MACROD2: variants seen among roughly 807,000 people sequenced by gnomAD.
The protein encoded by MACROD2 is ADP-ribose glycohydrolase MACROD2.
A neutral mutation model predicts 70.4 loss-of-function variants in MACROD2; 36 were observed. That is an observed-to-expected ratio of 0.51 (90% CI 0.39 to 0.68). MACROD2 has a LOEUF of 0.68. MACROD2 is among the 30% of genes least tolerant of loss of function. The pLI, the probability that MACROD2 is intolerant of heterozygous loss-of-function variation, is 0.00. For synonymous variants in MACROD2, 172 were observed against 178.8 expected, an observed-to-expected ratio of 0.96 and a Z score of 0.30; for missense variants, 496 against 538.4, an observed-to-expected ratio of 0.92 and a Z score of 0.78.
At chr20:14,623,558 T>A (rs1983957784) in intron 4 of MACROD2, among the ~76,000 whole-genome samples, 1 of 152,130 alleles carries the variant, frequency 6.6e-6, no homozygotes, top group African/African-American at 2.4e-5. Flanking sequence ...TAGCAGACAG[T>A]GGATGAACTA....
chr20:15,862,321 C>A (rs758168792), intron 8 of MACROD2, among the ~76,000 whole-genome samples: 66 of 152,254 alleles, frequency 4.3e-4, no homozygotes, highest in Non-Finnish European at 6.8e-4. Flanking sequence ...ATATATTTGT[C>A]TAGCAAGAGT....
At chr20:15,498,092 A>T (rs573186790) in intron 7 of MACROD2, among the ~76,000 whole-genome samples, 104 of 152,350 alleles carry the variant, frequency 6.8e-4, no homozygotes, top group African/African-American at 2.3e-3. Context: ...GCAAAGGTTC[A>T]AGAACTTACG....
At chr20:15,540,109 G>T (rs183729488) in intron 8 of MACROD2, among the ~76,000 whole-genome samples, 5 of 152,308 alleles carry the variant, frequency 3.3e-5, no homozygotes, top group Admixed American at 2.6e-4. Flanking sequence ...AGTAGGTAAA[G>T]GTATAGGGAT....
intron 8 of MACROD2, among the ~76,000 whole-genome samples, chr20:15,826,776 C>T (rs1049216816): frequency 2.6e-5 from 4 of 152,084 alleles, no homozygotes; most frequent in African/African-American, 9.7e-5. Context: ...AATAATGTGA[C>T]GTGAAGCTTA....
intron 3 of MACROD2, among the ~76,000 whole-genome samples, chr20:14,293,853 T>A (rs976277037): frequency 2.0e-5 from 3 of 151,910 alleles, no homozygotes; most frequent in African/African-American, 7.3e-5. Flanking sequence ...TAACTCACTT[T>A]CCTAGGTAAA....
At chr20:15,710,316 C>G (rs1414834948) in intron 8 of MACROD2, among the ~76,000 whole-genome samples, 1 of 151,276 alleles carries the variant, frequency 6.6e-6, no homozygotes, top group Admixed American at 6.6e-5. Context: ...CCTCAAAAAA[C>G]TACAAGTCTA....
intron 5 of MACROD2, among the ~76,000 whole-genome samples, chr20:15,058,771 A>G (rs1272973485): frequency 6.6e-6 from 1 of 152,202 alleles, no homozygotes; most frequent in East Asian, 1.9e-4. Flanking sequence ...AAATGTAACC[A>G]TCTGTCCAAA....
chr20:15,293,231 T>G (rs1293619810), intron 6 of MACROD2, among the ~76,000 whole-genome samples: 1 of 152,248 alleles, frequency 6.6e-6, no homozygotes, highest in African/African-American at 2.4e-5. Flanking sequence ...TAGACTCTAT[T>G]TATTCGTCAT....
chr20:15,066,217 C>T (rs1046803470), intron 5 of MACROD2, among the ~76,000 whole-genome samples: 2 of 151,706 alleles, frequency 1.3e-5, no homozygotes, highest in Non-Finnish European at 2.9e-5. Context: ...CTGCAACTTC[C>T]GCCTCCTGGG....
At chr20:14,604,440 C>T (rs961873383) in intron 4 of MACROD2, among the ~76,000 whole-genome samples, 1 of 152,190 alleles carries the variant, frequency 6.6e-6, no homozygotes, top group Non-Finnish European at 1.5e-5. Context: ...ACATTGAGTG[C>T]CATGATTACA....
chr20:15,906,303 T>G (rs1385337079), intron 10 of MACROD2, among the ~76,000 whole-genome samples: 1 of 152,230 alleles, frequency 6.6e-6, no homozygotes, highest in Admixed American at 6.5e-5. Flanking sequence ...CAATGCATCT[T>G]TGGAGCACCA....
At chr20:15,123,639 G>T (rs1406774253) in intron 5 of MACROD2, among the ~76,000 whole-genome samples, 1 of 151,930 alleles carries the variant, frequency 6.6e-6, no homozygotes, top group African/African-American at 2.4e-5. Context: ...TAAAAAAATT[G>T]AAATCACGTG....
At chr20:15,304,013 T>C (rs1381695255) in intron 6 of MACROD2, among the ~76,000 whole-genome samples, 1 of 152,208 alleles carries the variant, frequency 6.6e-6, no homozygotes, top group Non-Finnish European at 1.5e-5. Flanking sequence ...TTATAGTAGG[T>C]CATTTTCACA....
At chr20:14,086,265 G>T (rs376293280) in intron 3 of MACROD2, 67 of 331,620 alleles carry the variant, frequency 2.0e-4, no homozygotes, top group African/African-American at 9.2e-4. Flanking sequence ...ATAATTAGTT[G>T]TCTAGTTAAT....
chr20:14,749,218 C>T (rs956491569), intron 5 of MACROD2, among the ~76,000 whole-genome samples: 13 of 152,024 alleles, frequency 8.6e-5, no homozygotes, highest in African/African-American at 2.4e-4. Flanking sequence ...TTCTGCAGCT[C>T]GTACGTCATA....
At chr20:15,692,496 C>T (rs530397927) in intron 8 of MACROD2, among the ~76,000 whole-genome samples, 45 of 152,238 alleles carry the variant, frequency 3.0e-4, no homozygotes, top group African/African-American at 1.0e-3. Context: ...CTGTGCTTCT[C>T]ACTCCAAGTA....
At chr20:14,579,738 C>T (rs1980883248) in intron 4 of MACROD2, among the ~76,000 whole-genome samples, 1 of 152,132 alleles carries the variant, frequency 6.6e-6, no homozygotes, top group African/African-American at 2.4e-5. Context: ...TCAAAATCTA[C>T]TTTGCATATC....
intron 6 of MACROD2, among the ~76,000 whole-genome samples, chr20:15,356,609 C>T (rs768066601): frequency 2.0e-5 from 3 of 152,078 alleles, no homozygotes; most frequent in Non-Finnish European, 4.4e-5. Flanking sequence ...TATGGCTAAA[C>T]TCTGTCTCTA....
At chr20:15,734,074 GA>G (rs2050984801) in intron 8 of MACROD2, among the ~76,000 whole-genome samples, 1 of 152,318 alleles carries the variant, frequency 6.6e-6, no homozygotes, top group Non-Finnish European at 1.5e-5. Context: ...GGGCAAGGGA[GA>G]GGGGGCAGGA....
Sources: allele counts gnomAD v4.1 joint callset (sites outside exome capture counted in the v4.1 genomes callset), GRCh38; gene constraint gnomAD v4.1.1; transcripts MANE v1.5; gene names NCBI Gene and HGNC (gene_info 2026-07-23, HGNC 2026-07-21).